The following PRKN variants were observed in gnomAD, a reference collection of about 807,000 sequenced individuals.
The protein encoded by PRKN is E3 ubiquitin-protein ligase parkin.
In PRKN, 56 loss-of-function variants were observed where a neutral mutation model predicts 59.5. That is an observed-to-expected ratio of 0.94 (90% CI 0.76 to 1.18). The LOEUF (loss-of-function observed/expected upper bound fraction) is 1.18, where lower values mean the gene tolerates loss of function less well. Among genes scored for constraint, PRKN ranks in the 50% most tolerant of loss-of-function variants. The pLI is 0.00. For missense variants in PRKN, 657 were observed against 596.4 expected, an observed-to-expected ratio of 1.10 and a Z score of -1.06; for synonymous variants, 250 against 222.1, an observed-to-expected ratio of 1.13 and a Z score of -1.12.
chr6:161,763,025 T>G (rs1246841024), intron 7 of PRKN, among the ~76,000 whole-genome samples: 1 of 152,192 alleles, frequency 6.6e-6, no homozygotes, highest in Non-Finnish European at 1.5e-5. Context: ...GATGACAGTT[T>G]CTTAAGATAA....
chr6:162,665,110 T>G (rs1465060949), intron 1 of PRKN, among the ~76,000 whole-genome samples: 1 of 152,144 alleles, frequency 6.6e-6, no homozygotes, highest in Non-Finnish European at 1.5e-5. Flanking sequence ...GCATTCCCTT[T>G]GACAACCAGT....
Position 161,545,543 on chromosome 6 carries a change from C to A in PRKN, c.1083+3311G>T. 2 of 839,118 alleles carry A rather than the reference C, an allele frequency of 2.4e-6. No homozygotes were observed. Among genetic ancestry groups the A allele is most frequent in the Non-Finnish European group, 4.0e-6 (2 of 497,346 alleles). The allele number at this position is 839,118 out of a possible 1,614,324, so 52.0% of individuals were successfully genotyped here. Reference sequence around the variant, plus strand: ...TAATCTAACCACAATTTCTTCCAGACAATGGCTTTCCATTACACTCCTTAA... The same window carrying A: ...TAATCTAACCACAATTTCTTCCAGAAAATGGCTTTCCATTACACTCCTTAA... On this transcript the variant is annotated intron_variant, in intron 9 of 11. Transcript: ENST00000366898. The surrounding 1 kb of genome is among the most constrained non-coding windows in gnomAD (Gnocchi z 4.1).
At chr6:162,292,718 C>T (rs1401612559) in intron 2 of PRKN, among the ~76,000 whole-genome samples, 4 of 152,196 alleles carry the variant, frequency 2.6e-5, no homozygotes, top group Admixed American at 2.0e-4. Context: ...AGCAGCACCA[C>T]TGCCTTCCTT....
At chr6:161,715,733 G>C (rs1481867985) in intron 7 of PRKN, among the ~76,000 whole-genome samples, 1 of 152,112 alleles carries the variant, frequency 6.6e-6, no homozygotes, top group Non-Finnish European at 1.5e-5. Context: ...ACGTTACATA[G>C]CCAGCTGTGG....
At chr6:162,179,068 G>C (rs924945565) in intron 4 of PRKN, among the ~76,000 whole-genome samples, 1 of 152,046 alleles carries the variant, frequency 6.6e-6, no homozygotes, top group African/African-American at 2.4e-5. Flanking sequence ...TTTTCGTAGA[G>C]ACGGAGTCTC....
chr6:162,187,101 T>C (rs1251015822), intron 4 of PRKN, among the ~76,000 whole-genome samples: 2 of 152,058 alleles, frequency 1.3e-5, no homozygotes, highest in Admixed American at 6.6e-5. Flanking sequence ...GAATGCCCAA[T>C]GGAAAATGAA....
At chr6:161,894,007 G>A (rs985742674) in intron 6 of PRKN, among the ~76,000 whole-genome samples, 2 of 152,094 alleles carry the variant, frequency 1.3e-5, no homozygotes, top group African/African-American at 2.4e-5. Context: ...ATTCATTATC[G>A]ATCCTATTCC....
intron 6 of PRKN, among the ~76,000 whole-genome samples, chr6:161,894,345 C>T (rs1403753188): frequency 1.3e-5 from 2 of 152,204 alleles, no homozygotes; most frequent in African/African-American, 4.8e-5. Context: ...CTCTTCACCC[C>T]AGTTCAGACT....
intron 3 of PRKN, among the ~76,000 whole-genome samples, chr6:162,227,081 G>C (rs146156134): frequency 1.6e-4 from 24 of 152,322 alleles, no homozygotes; most frequent in Non-Finnish European, 3.2e-4. Context: ...TGGATAACCA[G>C]TGTATATATC....
intron 9 of PRKN, among the ~76,000 whole-genome samples, chr6:161,411,753 TTCACTCATTCCTTCAC>T (rs555582879): frequency 0.023 from 3,462 of 147,874 alleles, 56 homozygotes; most frequent in Non-Finnish European, 0.037. Context: ...CATTCCTCCA[TTCACTCATTCCTTCAC>T]TCACTCATTC....
chr6:162,530,137 TA>T (rs34337550), intron 1 of PRKN, among the ~76,000 whole-genome samples: 15,342 of 120,784 alleles, frequency 0.13, 854 homozygotes, highest in South Asian at 0.2. Context: ...TCAGTCTCAA[TA>T]AAAAAAAAAA....
At chr6:162,381,064 C>T (rs561470029) in intron 2 of PRKN, among the ~76,000 whole-genome samples, 28 of 152,158 alleles carry the variant, frequency 1.8e-4, no homozygotes, top group African/African-American at 6.7e-4. Context: ...CTGGATAAGC[C>T]CACTGTGTCC....
chr6:161,613,040 A>G (rs1030031458), intron 7 of PRKN, among the ~76,000 whole-genome samples: 11 of 152,334 alleles, frequency 7.2e-5, no homozygotes, highest in Admixed American at 5.2e-4. Flanking sequence ...ATAAGGAAAT[A>G]GCTGCCATAA....
Position 161,401,544 on chromosome 6 carries a change from C to T in PRKN, c.1084-14667G>A, listed in dbSNP as rs1468809616. ...AGGAGAATTGCTTGAACCCAGGAGG[C>T]GGAGGCTGCAGTGAGCCGAGATTGT... On this transcript the variant is annotated intron_variant, in intron 9 of 11. Transcript: ENST00000366898. This position sits in a 1 kb window ranked among gnomAD's most constrained non-coding sequence, Gnocchi z 4.4. 9.9e-5 allele frequency among the ~76,000 whole-genome samples: 15 copies of T among 151,772 alleles called. No individual in the cohort carries two copies. Among genetic ancestry groups the T allele is most frequent in the African/African-American group, 1.7e-4 (7 of 41,272 alleles).
chr6:162,658,048 G>T (rs1778716865), intron 1 of PRKN, among the ~76,000 whole-genome samples: 1 of 152,172 alleles, frequency 6.6e-6, no homozygotes. Flanking sequence ...CAACCAGATT[G>T]CCAACTCTTG....
At chr6:161,923,408 G>T (rs191979924) in intron 6 of PRKN, among the ~76,000 whole-genome samples, 4 of 152,132 alleles carry the variant, frequency 2.6e-5, no homozygotes, top group Admixed American at 6.6e-5. Flanking sequence ...GCTTGAACCC[G>T]GGAGGTGGAG....
intron 1 of PRKN, among the ~76,000 whole-genome samples, chr6:162,531,201 T>A (rs962995618): frequency 1.3e-5 from 2 of 151,074 alleles, no homozygotes; most frequent in Non-Finnish European, 2.9e-5. Flanking sequence ...CTACTAAACA[T>A]ACAAAAATTA....
At chr6:162,443,543 C>T in intron 1 of PRKN, 70 bp from the exon 2 acceptor site, 2 of 1,420,412 alleles carry the variant, frequency 1.4e-6, no homozygotes, top group South Asian at 1.1e-5. Flanking sequence ...GTGATAGCAA[C>T]ATTTCTCAAC....
chr6:161,627,401 T>C (rs765025259), intron 7 of PRKN, among the ~76,000 whole-genome samples: 2 of 152,230 alleles, frequency 1.3e-5, no homozygotes, highest in Non-Finnish European at 2.9e-5. Flanking sequence ...CACACATCAC[T>C]GTGTCATGTG....
Sources: gnomAD v4.1 joint callset for allele counts (sites outside exome capture counted in the v4.1 genomes callset) on GRCh38, gnomAD v4.1.1 for gene constraint, Gnocchi (gnomAD v3.1) non-coding constraint, MANE v1.5 for transcripts, NCBI Gene and HGNC (gene_info 2026-07-23, HGNC 2026-07-21) for gene names.